RASA3: variants seen among roughly 807,000 people sequenced by gnomAD.
RASA3 encodes ras GTPase-activating protein 3.
In RASA3, 73 loss-of-function variants were observed where a neutral mutation model predicts 110.0. That is an observed-to-expected ratio of 0.66 (90% CI 0.55 to 0.81). The LOEUF (loss-of-function observed/expected upper bound fraction) is 0.81. Ranked by LOEUF, RASA3 falls within the 30% of genes least tolerant of loss-of-function variation. RASA3 has a pLI of 0.00. For missense variants in RASA3, 976 were observed against 1,113.2 expected, an observed-to-expected ratio of 0.88 and a Z score of 1.75; for synonymous variants, 500 against 451.4, an observed-to-expected ratio of 1.11 and a Z score of -1.37.
At chr13:114,092,340 C>T (rs2079898530) in intron 1 of RASA3, among the ~76,000 whole-genome samples, 1 of 152,028 alleles carries the variant, frequency 6.6e-6, no homozygotes, top group Non-Finnish European at 1.5e-5. Context: ...TTGCTGTATC[C>T]CATAGGTTTT....
intron 4 of RASA3, among the ~76,000 whole-genome samples, chr13:114,034,081 G>A (rs141578866): frequency 0.023 from 3,487 of 152,206 alleles, 91 homozygotes; most frequent in South Asian, 0.064. Flanking sequence ...CTGAACACCA[G>A]CCGGGCAGTG....
chr13:114,115,532 T>C lies in RASA3; in HGVS notation c.55+16903A>G, dbSNP rs1377172680. 6.6e-6 allele frequency among the ~76,000 whole-genome samples: 1 copy of C among 152,204 alleles called. No individual in the cohort carries two copies. Among genetic ancestry groups the C allele is most frequent in the African/African-American group, 2.4e-5 (1 of 41,450 alleles). The stretch of plus-strand genomic sequence containing the variant: ...TTCCTGTCGCAAGAGACTCATGCCC[T>C]AGAGATAAAGCCGTCGGAGGCAGAG... On this transcript the variant is annotated intron_variant, in intron 1 of 23. Transcript: ENST00000334062. This position sits in a 1 kb window ranked among gnomAD's most constrained non-coding sequence, Gnocchi z 5.0.
At chr13:114,089,620 A>C (rs1016940683) in intron 1 of RASA3, among the ~76,000 whole-genome samples, 1 of 152,098 alleles carries the variant, frequency 6.6e-6, no homozygotes, top group African/African-American at 2.4e-5. Flanking sequence ...CCCTGCACAG[A>C]CATCAGCCGC....
rs140374014 is a variant in RASA3 at position 114,045,659 on chromosome 13, GAACT to G, written c.278-4569_278-4566del. Among the ~76,000 whole-genome samples the G allele has an allele frequency of 4.9e-3, 740 of 152,346 alleles. 2 individuals are homozygous for G. The highest frequency in any genetic ancestry group is 0.017 in the African/African-American group (708 of 41,570). On this transcript the variant is annotated intron_variant, in intron 3 of 23. Coordinates refer to ENST00000334062, the MANE Select transcript of RASA3 (RefSeq NM_007368.4). Reference sequence around the variant, plus strand: ...AAAAAATCTACAGGCAAAGCTAATAGAACTAATTGGTGTGTTCAGCAAGAACAGA... The same window carrying G: ...AAAAAATCTACAGGCAAAGCTAATAGAATTGGTGTGTTCAGCAAGAACAGA...
intron 22 of RASA3, among the ~76,000 whole-genome samples, chr13:113,982,748 G>A (rs1245741983): frequency 1.3e-5 from 2 of 152,240 alleles, no homozygotes; most frequent in East Asian, 1.9e-4. Context: ...CCTTTGGGAG[G>A]TGACAAGGCG....
At position 114,090,667 on chromosome 13, in the gene RASA3, C is replaced by T. The variant is rs1321107467; in HGVS notation, c.56-16830G>A. On this transcript the variant is annotated intron_variant, in intron 1 of 23. Coordinates refer to ENST00000334062, the MANE Select transcript of RASA3 (RefSeq NM_007368.4). The stretch of plus-strand genomic sequence containing the variant: ...GAAAAACACCTCACAGCAGAGAGCC[C>T]ACGTGACAAGCACACATGCCTGACG... Among the ~76,000 whole-genome samples the T allele has an allele frequency of 3.9e-5, 6 of 152,330 alleles. 1 individual carries two copies. The highest frequency in any genetic ancestry group is 1.4e-4 in the African/African-American group (6 of 41,574).
intron 2 of RASA3, among the ~76,000 whole-genome samples, chr13:114,072,701 C>T (rs2079592253): frequency 1.3e-5 from 2 of 152,214 alleles, no homozygotes; most frequent in South Asian, 4.1e-4. Context: ...CCACCAAGGA[C>T]AGAAGCTCAG....
chr13:114,124,872 T>C (rs751788557), intron 1 of RASA3, among the ~76,000 whole-genome samples: 1 of 152,254 alleles, frequency 6.6e-6, no homozygotes, highest in Non-Finnish European at 1.5e-5. Context: ...TCCGCCTTTG[T>C]TCTTCACTCA....
chr13:114,034,482 C>T (rs1046617432), intron 4 of RASA3, among the ~76,000 whole-genome samples: 14 of 152,192 alleles, frequency 9.2e-5, no homozygotes, highest in African/African-American at 1.9e-4. Context: ...GGCTCCTGGC[C>T]GGGTCCAGGG....
At chr13:114,017,964 G>T in intron 11 of RASA3, 140 bp downstream of exon 11, 3 of 1,000,032 alleles carry the variant, frequency 3.0e-6, no homozygotes, top group Non-Finnish European at 4.1e-6. Flanking sequence ...GTCTGTGAAA[G>T]AAAACCTGAA....
intron 16 of RASA3, among the ~76,000 whole-genome samples, chr13:114,010,550 T>C (rs1481935298): frequency 6.7e-6 from 1 of 149,492 alleles, no homozygotes; most frequent in African/African-American, 2.5e-5. Context: ...AGGACGGAGG[T>C]TCATATCCAC....
At chr13:114,119,899 G>GC (rs1213120476) in intron 1 of RASA3, among the ~76,000 whole-genome samples, 5 of 38,486 alleles carry the variant, frequency 1.3e-4, no homozygotes, top group Non-Finnish European at 1.8e-4. Context: ...GTCGATCAGG[G>GC]CCCCCCTCCC....
intron 16 of RASA3, among the ~76,000 whole-genome samples, chr13:114,009,969 C>T (rs1414349144): frequency 6.6e-6 from 1 of 152,214 alleles, no homozygotes; most frequent in Non-Finnish European, 1.5e-5. Context: ...TCCTGAGGCT[C>T]GACCCCAAGT....
chr13:114,088,605 G>A (rs955946711), intron 1 of RASA3, among the ~76,000 whole-genome samples: 8 of 151,350 alleles, frequency 5.3e-5, no homozygotes, highest in Admixed American at 3.9e-4. Flanking sequence ...AGGCTGGAGT[G>A]CGATGGTGCA....
intron 2 of RASA3, among the ~76,000 whole-genome samples, chr13:114,072,477 T>A (rs900286737): frequency 1.3e-5 from 2 of 152,220 alleles, no homozygotes; most frequent in Non-Finnish European, 2.9e-5. Flanking sequence ...CCATCTTCTG[T>A]ATAGCTATTT....
At chr13:114,001,288 G>A (rs1327579050) in intron 18 of RASA3, among the ~76,000 whole-genome samples, 8 of 151,938 alleles carry the variant, frequency 5.3e-5, no homozygotes, top group Admixed American at 4.6e-4. Flanking sequence ...GGAGGGCAGC[G>A]GACGCCCACA....
chr13:114,031,208 C>T (rs781781245), intron 4 of RASA3, among the ~76,000 whole-genome samples: 13 of 140,086 alleles, frequency 9.3e-5, no homozygotes, highest in Admixed American at 7.1e-4. Context: ...TCTGTGTGGG[C>T]GTGCGATTGT....
At chr13:114,121,259 C>T (rs1187318806) in intron 1 of RASA3, among the ~76,000 whole-genome samples, 1 of 152,258 alleles carries the variant, frequency 6.6e-6, no homozygotes, top group Admixed American at 6.5e-5. Flanking sequence ...CAAACACATC[C>T]CGCCGAGCCT....
chr13:114,101,240 GAGGGA>G (rs1347581372), intron 1 of RASA3, among the ~76,000 whole-genome samples: 1 of 152,240 alleles, frequency 6.6e-6, no homozygotes, highest in Non-Finnish European at 1.5e-5. Context: ...GGGAATTTCA[GAGGGA>G]AGGGAAGGGA....
Sources: allele counts gnomAD v4.1 joint callset (sites outside exome capture counted in the v4.1 genomes callset), GRCh38; gene constraint gnomAD v4.1.1; non-coding constraint Gnocchi (gnomAD v3.1); transcripts MANE v1.5; gene names NCBI Gene and HGNC (gene_info 2026-07-23, HGNC 2026-07-21).